Variants in SAMD12 observed in about 807,000 individuals in gnomAD.
SAMD12 encodes the protein sterile alpha motif domain-containing protein 12.
Under a neutral mutation model 15.0 loss-of-function variants are expected in SAMD12, and 9 were observed. The ratio of observed to expected loss-of-function variants is 0.60; its 90% CI spans 0.36 to 1.05. SAMD12 has a LOEUF of 1.05. SAMD12 is among the 50% of genes least tolerant of loss of function. SAMD12 has a pLI of 0.01. For synonymous variants in SAMD12, 86 were observed against 90.1 expected, an observed-to-expected ratio of 0.96 and a Z score of 0.25; for missense variants, 230 against 234.2, an observed-to-expected ratio of 0.98 and a Z score of 0.12.
At chr8:118,521,556 T>C (rs952846431) in intron 2 of SAMD12, among the ~76,000 whole-genome samples, 1 of 152,190 alleles carries the variant, frequency 6.6e-6, no homozygotes, top group African/African-American at 2.4e-5. Flanking sequence ...TTTGACAATG[T>C]CATTGTTGAT....
chr8:118,592,901 A>C (rs938211874), intron 1 of SAMD12, among the ~76,000 whole-genome samples: 2 of 152,192 alleles, frequency 1.3e-5, no homozygotes, highest in Admixed American at 1.3e-4. Flanking sequence ...GCAGAAACAG[A>C]AGTATCTATC....
intron 4 of SAMD12, among the ~76,000 whole-genome samples, chr8:118,334,958 A>G (rs1295293263): frequency 6.6e-6 from 1 of 152,010 alleles, no homozygotes; most frequent in Non-Finnish European, 1.5e-5. Context: ...AATTATTCTA[A>G]CATTTTCTCA....
chr8:118,144,273 A>G, the SAMD12 span, among the ~76,000 whole-genome samples: 1 of 152,200 alleles, frequency 6.6e-6, no homozygotes, highest in African/African-American at 2.4e-5. Flanking sequence ...AAATCACATC[A>G]CAAGCTCCAA....
intron 2 of SAMD12, among the ~76,000 whole-genome samples, chr8:118,536,746 TGTA>T (rs533911717): frequency 2.0e-5 from 3 of 152,334 alleles, no homozygotes; most frequent in Admixed American, 2.0e-4. Flanking sequence ...GAAAAGTTGT[TGTA>T]GTTATTTTTG....
chr8:118,461,583 C>T (rs954343527), intron 2 of SAMD12, among the ~76,000 whole-genome samples: 6 of 152,034 alleles, frequency 3.9e-5, no homozygotes, highest in African/African-American at 9.7e-5. Context: ...TATGTACATA[C>T]GTAAAATAGT....
At chr8:118,558,937 A>G (rs908845448) in intron 2 of SAMD12, among the ~76,000 whole-genome samples, 2 of 152,200 alleles carry the variant, frequency 1.3e-5, no homozygotes, top group African/African-American at 4.8e-5. Flanking sequence ...TCGTTGTTCA[A>G]CCAGACTTGT....
At chr8:118,286,506 G>C (rs961704206) in intron 4 of SAMD12, among the ~76,000 whole-genome samples, 1 of 151,964 alleles carries the variant, frequency 6.6e-6, no homozygotes, top group Non-Finnish European at 1.5e-5. Flanking sequence ...TCTTAATAAA[G>C]CTAATAAAGG....
chr8:118,326,172 T>C (rs544538818), intron 4 of SAMD12, among the ~76,000 whole-genome samples: 2 of 152,284 alleles, frequency 1.3e-5, no homozygotes, highest in East Asian at 3.9e-4. Flanking sequence ...TTATGAATTA[T>C]TGCTAGAGGA....
At chr8:118,616,108 A>T (rs1275867823) in intron 1 of SAMD12, among the ~76,000 whole-genome samples, 1 of 152,262 alleles carries the variant, frequency 6.6e-6, no homozygotes, top group Non-Finnish European at 1.5e-5. Context: ...AAAGATCCTC[A>T]GGAATAAGTG....
At chr8:118,522,240 G>C (rs1825412288) in intron 2 of SAMD12, among the ~76,000 whole-genome samples, 2 of 151,856 alleles carry the variant, frequency 1.3e-5, no homozygotes, top group African/African-American at 4.8e-5. Flanking sequence ...AATCAAACGA[G>C]AGCAAGAGAT....
intron 3 of SAMD12, among the ~76,000 whole-genome samples, chr8:118,393,715 C>T (rs1173130624): frequency 6.6e-6 from 1 of 152,096 alleles, no homozygotes; most frequent in Non-Finnish European, 1.5e-5. Context: ...TCTCCTGCCT[C>T]AGCCTTCCAA....
At chr8:118,440,697 A>ACACAC (rs1563861873) in intron 2 of SAMD12, among the ~76,000 whole-genome samples, 40 of 52,422 alleles carry the variant, frequency 7.6e-4, no homozygotes, top group East Asian at 2.2e-3. Context: ...CACACACACA[A>ACACAC]ACACACACAC....
intron 2 of SAMD12, among the ~76,000 whole-genome samples, chr8:118,532,162 G>C (rs1256062842): frequency 6.6e-6 from 1 of 152,082 alleles, no homozygotes; most frequent in Non-Finnish European, 1.5e-5. Context: ...GTTGAATTTT[G>C]TCAAAGGCCT....
At chr8:118,465,949 T>C (rs975239241) in intron 2 of SAMD12, among the ~76,000 whole-genome samples, 2 of 152,158 alleles carry the variant, frequency 1.3e-5, no homozygotes, top group African/African-American at 4.8e-5. Context: ...GTTTCTCAGA[T>C]GGATCTTTAT....
intron 2 of SAMD12, among the ~76,000 whole-genome samples, chr8:118,550,037 C>A (rs897128454): frequency 2.0e-5 from 3 of 151,986 alleles, no homozygotes; most frequent in African/African-American, 7.2e-5. Context: ...GTGAAAAGAC[C>A]AAATCTACGA....
chr8:118,340,632 A>G (rs1396860864), intron 4 of SAMD12, among the ~76,000 whole-genome samples: 1 of 152,064 alleles, frequency 6.6e-6, no homozygotes, highest in African/African-American at 2.4e-5. Flanking sequence ...AGCTGGGTGT[A>G]GTGGTGCATG....
intron 4 of SAMD12, among the ~76,000 whole-genome samples, chr8:118,340,768 CA>C (rs1274423046): frequency 3.9e-5 from 6 of 151,938 alleles, no homozygotes; most frequent in Non-Finnish European, 8.8e-5. Flanking sequence ...GACTCTGTCT[CA>C]AAAAAATTTT....
chr8:118,404,960 C>T (rs1821056486), intron 3 of SAMD12, among the ~76,000 whole-genome samples: 1 of 152,148 alleles, frequency 6.6e-6, no homozygotes, highest in Admixed American at 6.5e-5. Context: ...CCATGCCCAG[C>T]CTACTAATGG....
chr8:118,210,310 G>T (rs1191018555), intron 4 of SAMD12, among the ~76,000 whole-genome samples: 1 of 152,190 alleles, frequency 6.6e-6, no homozygotes, highest in Admixed American at 6.5e-5. Context: ...GCACAAAGAG[G>T]TTGGGTCACA....
Sources: allele counts gnomAD v4.1 joint callset (sites outside exome capture counted in the v4.1 genomes callset), GRCh38; gene constraint gnomAD v4.1.1; transcripts MANE v1.5; gene names NCBI Gene and HGNC (gene_info 2026-07-23, HGNC 2026-07-21).